Variants in HS2ST1 observed in about 807,000 individuals in gnomAD.
The protein encoded by HS2ST1 is heparan sulfate 2-O-sulfotransferase 1, also known as 2-O-sulfotransferase.
HS2ST1 carries 18 observed loss-of-function variants against 42.9 expected under a neutral mutation model. The observed-to-expected ratio is 0.42, with a 90% confidence interval of 0.29 to 0.62. HS2ST1 has a LOEUF of 0.62. Among genes scored for constraint, HS2ST1 ranks in the 20% least tolerant of loss-of-function variants. The pLI is 0.21. For missense variants in HS2ST1, 334 were observed against 433.8 expected, an observed-to-expected ratio of 0.77 and a Z score of 2.04; for synonymous variants, 146 against 152.9, an observed-to-expected ratio of 0.95 and a Z score of 0.33.
At chr1:87,103,852 T>C (rs1652272012) in intron 6 of HS2ST1, among the ~76,000 whole-genome samples, 1 of 152,186 alleles carries the variant, frequency 6.6e-6, no homozygotes, top group African/African-American at 2.4e-5. Context: ...ATGCCAGATA[T>C]CAAACATTAG....
chr1:87,094,258 T>A (rs1015176152), intron 4 of HS2ST1, among the ~76,000 whole-genome samples: 3 of 152,012 alleles, frequency 2.0e-5, no homozygotes, highest in Non-Finnish European at 2.9e-5. Flanking sequence ...CCTATATCCA[T>A]CATTTATCAT....
At chr1:86,970,127 A>C (rs1034687447) in intron 1 of HS2ST1, among the ~76,000 whole-genome samples, 1 of 115,210 alleles carries the variant, frequency 8.7e-6, no homozygotes, top group Non-Finnish European at 1.9e-5. Context: ...CTCCATCTCA[A>C]AAAAAAAAAA....
intron 1 of HS2ST1, among the ~76,000 whole-genome samples, chr1:87,005,805 C>T (rs1248252203): frequency 6.6e-6 from 1 of 152,040 alleles, no homozygotes; most frequent in Non-Finnish European, 1.5e-5. Context: ...AAGGATTCGC[C>T]TATGATAAAA....
At chr1:86,950,011 T>C (rs1014830523) in intron 1 of HS2ST1, among the ~76,000 whole-genome samples, 19 of 152,060 alleles carry the variant, frequency 1.2e-4, no homozygotes, top group African/African-American at 4.3e-4. Context: ...TTATAGAAAA[T>C]CCATAAATAG....
intron 1 of HS2ST1, among the ~76,000 whole-genome samples, chr1:87,024,942 G>A (rs1381519377): frequency 6.6e-6 from 1 of 152,180 alleles, no homozygotes; most frequent in Non-Finnish European, 1.5e-5. Context: ...CATGCTTAAT[G>A]TATGTTTTAA....
chr1:87,104,821 G>C lies in HS2ST1; in HGVS notation c.*125G>C. On this transcript the variant is annotated 3_prime_UTR_variant, in exon 7 of 7. Transcript: ENST00000370550. The stretch of plus-strand genomic sequence containing the variant: ...GACAATTTGTATTGAGCCAAATTAG[G>C]AAACAGACAGTAACGTCAAGGAAGT... The C allele has an allele frequency of 1.6e-6, 1 of 610,866 alleles. No homozygotes were observed. The highest frequency in any genetic ancestry group is 2.9e-6 in the Non-Finnish European group (1 of 345,004). The allele number at this position is 610,866 out of a possible 1,614,324, so 37.8% of individuals were successfully genotyped here.
intron 1 of HS2ST1, among the ~76,000 whole-genome samples, chr1:87,018,305 C>A (rs983983834): frequency 6.6e-6 from 1 of 152,176 alleles, no homozygotes; most frequent in Admixed American, 6.5e-5. Context: ...GACACAATGC[C>A]ATTAAAGGAG....
intron 5 of HS2ST1, among the ~76,000 whole-genome samples, chr1:87,100,547 T>A (rs1277484344): frequency 6.6e-6 from 1 of 152,194 alleles, no homozygotes; most frequent in African/African-American, 2.4e-5. Flanking sequence ...ATATTAGCAG[T>A]TGGCTCCCTT....
At chr1:86,992,699 A>C (rs1182439120) in intron 1 of HS2ST1, among the ~76,000 whole-genome samples, 2 of 152,184 alleles carry the variant, frequency 1.3e-5, no homozygotes, top group Non-Finnish European at 2.9e-5. Context: ...TAGGGGAAGA[A>C]AAATATCTTT....
intron 2 of HS2ST1, among the ~76,000 whole-genome samples, chr1:87,076,276 T>C (rs1037633887): frequency 6.6e-6 from 1 of 152,206 alleles, no homozygotes; most frequent in African/African-American, 2.4e-5. Context: ...GATCAGATCC[T>C]TGATCAAAAA....
intron 1 of HS2ST1, among the ~76,000 whole-genome samples, chr1:86,940,415 T>C (rs1013086469): frequency 3.9e-5 from 6 of 152,108 alleles, no homozygotes; most frequent in African/African-American, 1.4e-4. Flanking sequence ...CAAAGTTGCA[T>C]GTATAAACGT....
chr1:86,927,230 A>T (rs1002916638), intron 1 of HS2ST1, among the ~76,000 whole-genome samples: 2 of 152,214 alleles, frequency 1.3e-5, no homozygotes, highest in African/African-American at 4.8e-5. Flanking sequence ...TATATTCAAT[A>T]TGTTGCATGT....
chr1:87,099,568 A>G (rs1387115228), intron 5 of HS2ST1, among the ~76,000 whole-genome samples: 1 of 152,218 alleles, frequency 6.6e-6, no homozygotes, highest in Admixed American at 6.5e-5. Flanking sequence ...ACATTTCAAC[A>G]TGAGATTTGG....
intron 1 of HS2ST1, among the ~76,000 whole-genome samples, chr1:86,976,721 T>TATATA (rs61660936): frequency 1.1e-4 from 15 of 135,654 alleles, no homozygotes; most frequent in South Asian, 4.9e-4. Context: ...TATATATATA[T>TATATA]TTTAAATGCC....
intron 1 of HS2ST1, among the ~76,000 whole-genome samples, chr1:86,923,809 C>T (rs1660354814): frequency 6.6e-6 from 1 of 152,210 alleles, no homozygotes; most frequent in South Asian, 2.1e-4. Context: ...GTCCCTCCCA[C>T]AACACAGGGG....
chr1:87,047,239 C>G (rs1227641624), intron 1 of HS2ST1, among the ~76,000 whole-genome samples: 3 of 152,076 alleles, frequency 2.0e-5, no homozygotes, highest in African/African-American at 7.2e-5. Context: ...CTGCATATCT[C>G]TTTTTTGGGG....
chr1:86,953,965 C>A (rs908341418), intron 1 of HS2ST1, among the ~76,000 whole-genome samples: 4 of 142,264 alleles, frequency 2.8e-5, no homozygotes, highest in Admixed American at 2.3e-4. Flanking sequence ...GTATTAAGTT[C>A]ACTGTTTTAT....
chr1:86,937,040 G>A (rs1660670825), intron 1 of HS2ST1, among the ~76,000 whole-genome samples: 1 of 151,950 alleles, frequency 6.6e-6, no homozygotes, highest in African/African-American at 2.4e-5. Flanking sequence ...GGGAGGTGGA[G>A]GTTGCAGTAA....
intron 2 of HS2ST1, among the ~76,000 whole-genome samples, chr1:87,080,818 TGTCACATCAGAAA>T (rs1651667316): frequency 6.6e-6 from 1 of 152,162 alleles, no homozygotes; most frequent in South Asian, 2.1e-4. Flanking sequence ...GGTGCTGCCC[TGTCACATCAGAAA>T]GTAACAAGGG....
Sources: gnomAD v4.1 joint callset for allele counts (sites outside exome capture counted in the v4.1 genomes callset) on GRCh38, gnomAD v4.1.1 for gene constraint, MANE v1.5 for transcripts, NCBI Gene and HGNC (gene_info 2026-07-23, HGNC 2026-07-21) for gene names.